Variants in PTPRT observed in about 807,000 individuals in gnomAD.
PTPRT encodes receptor-type tyrosine-protein phosphatase T.
In PTPRT, 56 loss-of-function variants were observed where a neutral mutation model predicts 176.8. The ratio of observed to expected loss-of-function variants is 0.32; its 90% confidence interval spans 0.26 to 0.40. The LOEUF is 0.40. Among genes scored for constraint, PTPRT ranks in the 10% least tolerant of loss-of-function variants. The pLI is 1.00. For synonymous variants in PTPRT, 783 were observed against 739.0 expected, an observed-to-expected ratio of 1.06 and a Z score of -0.96; for missense variants, 1,540 against 1,908.2, an observed-to-expected ratio of 0.81 and a Z score of 3.60.
intron 13 of PTPRT, among the ~76,000 whole-genome samples, chr20:42,260,699 C>T (rs11906485): frequency 0.09 from 13,628 of 152,098 alleles, 694 homozygotes; most frequent in South Asian, 0.17. Flanking sequence ...CATGTAATTC[C>T]GGGACACTGA....
At chr20:42,631,875 G>C (rs1415460251) in intron 7 of PTPRT, among the ~76,000 whole-genome samples, 1 of 152,170 alleles carries the variant, frequency 6.6e-6, no homozygotes, top group Non-Finnish European at 1.5e-5. Context: ...CATCCTGGGA[G>C]ATAACCTATA....
At chr20:42,272,485 G>A (rs2056952921) in intron 13 of PTPRT, among the ~76,000 whole-genome samples, 2 of 152,076 alleles carry the variant, frequency 1.3e-5, no homozygotes, top group African/African-American at 4.8e-5. Flanking sequence ...GAAATGCAAA[G>A]CTTCAGAGAA....
chr20:42,885,145 T>A (rs1166141597), intron 2 of PTPRT, among the ~76,000 whole-genome samples: 2 of 147,124 alleles, frequency 1.4e-5, no homozygotes, highest in African/African-American at 5.0e-5. Context: ...AATAATAATA[T>A]AATAATATAT....
chr20:42,761,260 C>A (rs1457377257), intron 5 of PTPRT, among the ~76,000 whole-genome samples: 2 of 151,952 alleles, frequency 1.3e-5, no homozygotes, highest in Non-Finnish European at 2.9e-5. Flanking sequence ...CATGGAGAAA[C>A]CCCATCTCTA....
intron 1 of PTPRT, among the ~76,000 whole-genome samples, chr20:42,960,789 C>T (rs1981941672): frequency 6.6e-6 from 1 of 152,084 alleles, no homozygotes; most frequent in African/African-American, 2.4e-5. Flanking sequence ...TAAACAGCAC[C>T]AGAGCAGAGA....
rs1449116973 is a variant in PTPRT, at chr20:42,574,263, G to C, written c.1154-101701C>G. On this transcript the variant is annotated intron_variant, in intron 7 of 30. Transcript: ENST00000373187. ...CTTTAACTGGCAATTCCCTGCAAAG[G>C]GCTCTGCAGTTTGCACTATTTCAAT... 2.0e-5 allele frequency among the ~76,000 whole-genome samples: 3 copies of C among 152,080 alleles called. No homozygotes were observed. The South Asian group carries it at 6.2e-4, about 32-fold the overall frequency.
chr20:42,219,243 T>G (rs1334156873), intron 15 of PTPRT, among the ~76,000 whole-genome samples: 1 of 152,160 alleles, frequency 6.6e-6, no homozygotes, highest in African/African-American at 2.4e-5. Context: ...GAAAGATAAG[T>G]CTGGTCGGTG....
chr20:42,258,666 G>A (rs2056692645), intron 13 of PTPRT, among the ~76,000 whole-genome samples: 1 of 152,030 alleles, frequency 6.6e-6, no homozygotes, highest in Non-Finnish European at 1.5e-5. Context: ...CACCAGATCT[G>A]GTTGATAATA....
At chr20:42,798,946 GGGAGTTT>G (rs1327870846) in intron 2 of PTPRT, among the ~76,000 whole-genome samples, 1 of 151,906 alleles carries the variant, frequency 6.6e-6, no homozygotes, top group Non-Finnish European at 1.5e-5. Context: ...GAGTCAGGCA[GGGAGTTT>G]GTGTGCACGT....
At chr20:42,790,643 C>T (rs1600742344) in intron 3 of PTPRT, among the ~76,000 whole-genome samples, 2 of 152,146 alleles carry the variant, frequency 1.3e-5, no homozygotes, top group Admixed American at 6.6e-5. Flanking sequence ...CTATCATCCA[C>T]CCCTGCAGCT....
In PTPRT at chr20:42,725,133, T is replaced by C. The variant is rs773239663; in HGVS notation, c.859+31329A>G. 4.0e-4 allele frequency among the ~76,000 whole-genome samples: 61 copies of C among 151,712 alleles called. 1 individual carries two copies. Among genetic ancestry groups the C allele is most frequent in the Admixed American group, 5.3e-4 (8 of 15,222 alleles). On this transcript the variant is annotated intron_variant, in intron 6 of 30. Coordinates refer to ENST00000373187, the MANE Select transcript of PTPRT (RefSeq NM_007050.6). ...GCCTCCACCTCCCTGGTTCAAGCAA[T>C]TCTCCTGCCTCAGCCTCCTGAGTAG... is the stretch of plus-strand genomic sequence containing the variant.
At chr20:43,090,547 C>T (rs983923830) in intron 1 of PTPRT, among the ~76,000 whole-genome samples, 6 of 152,026 alleles carry the variant, frequency 3.9e-5, no homozygotes, top group African/African-American at 1.5e-4. Context: ...GGATTCCAGT[C>T]GTGAGCCACC....
At chr20:42,226,666 G>C (rs1461059985) in intron 15 of PTPRT, among the ~76,000 whole-genome samples, 1 of 152,138 alleles carries the variant, frequency 6.6e-6, no homozygotes, top group South Asian at 2.1e-4. Context: ...CCCATTTGGG[G>C]GATGCTTGCT....
At chr20:42,714,628 A>C (rs1178577308) in intron 6 of PTPRT, among the ~76,000 whole-genome samples, 1 of 152,202 alleles carries the variant, frequency 6.6e-6, no homozygotes, top group Non-Finnish European at 1.5e-5. Context: ...AAAATATATG[A>C]GTGATTTTTT....
At chr20:42,402,374 C>T (rs1441227809) in intron 9 of PTPRT, among the ~76,000 whole-genome samples, 1 of 150,926 alleles carries the variant, frequency 6.6e-6, no homozygotes, top group African/African-American at 2.4e-5. Context: ...TAATTGGGCC[C>T]AAGAGGCTGG....
intron 13 of PTPRT, among the ~76,000 whole-genome samples, chr20:42,278,930 G>C (rs1295980307): frequency 1.3e-5 from 2 of 152,120 alleles, no homozygotes; most frequent in African/African-American, 4.8e-5. Flanking sequence ...CCTATGTTGA[G>C]CCCATCCCTC....
intron 9 of PTPRT, among the ~76,000 whole-genome samples, chr20:42,447,471 T>C (rs2070753980): frequency 6.6e-6 from 1 of 152,026 alleles, no homozygotes; most frequent in South Asian, 2.1e-4. Context: ...TATTGTAATC[T>C]TATGTTGTGT....
intron 15 of PTPRT, among the ~76,000 whole-genome samples, chr20:42,201,950 C>CATGTGTGTGTGT (rs372486869): frequency 1.4e-5 from 2 of 143,116 alleles, no homozygotes; most frequent in African/African-American, 5.2e-5. Context: ...AGAAAAGTTG[C>CATGTGTGTGTGT]GTGTGTGTGT....
intron 7 of PTPRT, among the ~76,000 whole-genome samples, chr20:42,570,145 AGT>A (rs764776043): frequency 1.3e-5 from 2 of 152,120 alleles, no homozygotes; most frequent in Non-Finnish European, 2.9e-5. Context: ...GTGTGTCGCC[AGT>A]GTGTGTCGTC....
Sources: allele counts gnomAD v4.1 joint callset (sites outside exome capture counted in the v4.1 genomes callset), GRCh38; gene constraint gnomAD v4.1.1; transcripts MANE v1.5; gene names NCBI Gene and HGNC (gene_info 2026-07-23, HGNC 2026-07-21).